Variants in NEGR1 observed in about 807,000 individuals in gnomAD.
NEGR1 encodes neuronal growth regulator 1.
In NEGR1, 10 loss-of-function variants were observed where a neutral mutation model predicts 40.9. The observed-to-expected ratio is 0.24, with a 90% CI of 0.15 to 0.42. The LOEUF (loss-of-function observed/expected upper bound fraction) is 0.42. NEGR1 is among the 10% of genes least tolerant of loss of function. The probability of loss-of-function intolerance (pLI) is 1.00; values close to 1 mark genes in which losing one functional copy is unlikely to be tolerated. For synonymous variants in NEGR1, 185 were observed against 166.8 expected (o/e 1.11, Z -0.84); for missense variants, 352 against 438.9 (o/e 0.80, Z 1.77).
At chr1:71,632,760 C>T (rs932035317) in intron 4 of NEGR1, among the ~76,000 whole-genome samples, 1 of 151,870 alleles carries the variant, frequency 6.6e-6, no homozygotes, top group African/African-American at 2.4e-5. Flanking sequence ...GCAGCTAGAA[C>T]TATGCCTTGA....
rs551772465 is a variant in NEGR1 at position 71,538,731 on chromosome 1, T to G, written c.940+54086A>C. ...AGAGGCTTCGTGCATGGAGTACAAT[T>G]TAGAAATCACACTTTTGCCCTAAGC... is the stretch of plus-strand genomic sequence containing the variant. On this transcript the variant is annotated intron_variant, in intron 6 of 6. Transcript: ENST00000357731. Among the ~76,000 whole-genome samples, 14 of 151,768 alleles carry G rather than the reference T, an allele frequency of 9.2e-5. No individual in the cohort carries two copies. In the East Asian group the frequency reaches 2.8e-3, roughly 30 times the overall value.
At chr1:71,567,328 A>C (rs1263178799) in intron 6 of NEGR1, among the ~76,000 whole-genome samples, 1 of 152,138 alleles carries the variant, frequency 6.6e-6, no homozygotes. Context: ...TCTGCTATGA[A>C]TGTGGTAGCT....
At chr1:72,140,954 A>G (rs1650654751) in intron 1 of NEGR1, among the ~76,000 whole-genome samples, 1 of 152,066 alleles carries the variant, frequency 6.6e-6, no homozygotes, top group Non-Finnish European at 1.5e-5. Context: ...GCATTACCTA[A>G]TATGTGTTAG....
At chr1:72,012,925 C>T (rs915438449) in intron 1 of NEGR1, among the ~76,000 whole-genome samples, 27 of 146,816 alleles carry the variant, frequency 1.8e-4, no homozygotes, top group African/African-American at 6.5e-4. Flanking sequence ...CTAGAAAAAA[C>T]TTTCCCTTTA....
At chr1:72,194,411 T>C (rs955197582) in intron 1 of NEGR1, among the ~76,000 whole-genome samples, 2 of 151,950 alleles carry the variant, frequency 1.3e-5, no homozygotes, top group Non-Finnish European at 2.9e-5. Flanking sequence ...GTAAGAACAT[T>C]TTTATCAGGA....
chr1:71,992,218 T>A lies in NEGR1; in HGVS notation c.177-56907A>T, dbSNP rs536326565. Among the ~76,000 whole-genome samples, 4 of 152,308 alleles carry A rather than the reference T, an allele frequency of 2.6e-5. No individual in the cohort carries two copies. The South Asian group carries it at 8.3e-4, about 32-fold the overall frequency. ...TTAAAAATTGTGTATTTCATATACA[T>A]CATATTCATTTTTAGCATATAAATT... On this transcript the variant is annotated intron_variant, in intron 1 of 6. Coordinates refer to ENST00000357731, the MANE Select transcript of NEGR1 (RefSeq NM_173808.3).
intron 6 of NEGR1, among the ~76,000 whole-genome samples, chr1:71,438,264 AC>A (rs1449522085): frequency 6.6e-6 from 1 of 152,226 alleles, no homozygotes; most frequent in Non-Finnish European, 1.5e-5. Context: ...TAAATTTGGC[AC>A]CAATAATTAA....
At chr1:71,775,497 C>G (rs1330564486) in intron 3 of NEGR1, among the ~76,000 whole-genome samples, 1 of 151,766 alleles carries the variant, frequency 6.6e-6, no homozygotes, top group Non-Finnish European at 1.5e-5. Context: ...AGGCATGCAC[C>G]ACCACACCCT....
chr1:71,838,063 A>G lies in NEGR1; in HGVS notation c.410-61766T>C, dbSNP rs563719946. Among the ~76,000 whole-genome samples, 25 of 152,280 alleles carry G rather than the reference A, an allele frequency of 1.6e-4. No homozygotes were observed. The East Asian group carries it at 4.8e-3, about 29-fold the overall frequency. On this transcript the variant is annotated intron_variant, in intron 2 of 6. Coordinates refer to ENST00000357731, the MANE Select transcript of NEGR1 (RefSeq NM_173808.3). ...CATTGTTTGAGGTACATTGAAAAAA[A>G]TAAGATCTTATTATCCCAGTTTCTA...
At chr1:72,171,673 ATAAGT>A (rs1443975231) in intron 1 of NEGR1, among the ~76,000 whole-genome samples, 4 of 152,208 alleles carry the variant, frequency 2.6e-5, no homozygotes, top group African/African-American at 7.2e-5. Context: ...TATGTGAAAA[ATAAGT>A]TATGTATAAA....
intron 1 of NEGR1, among the ~76,000 whole-genome samples, chr1:71,988,683 G>C (rs944953484): frequency 1.3e-5 from 2 of 151,518 alleles, no homozygotes; most frequent in Non-Finnish European, 1.5e-5. Flanking sequence ...AGGGGCACAA[G>C]GTACTCAGTT....
At chr1:71,494,348 C>A (rs868368152) in intron 6 of NEGR1, among the ~76,000 whole-genome samples, 1 of 152,146 alleles carries the variant, frequency 6.6e-6, no homozygotes, top group Admixed American at 6.6e-5. Flanking sequence ...ACACTGAAGG[C>A]TTGAGTCAGC....
At chr1:71,794,598 T>A (rs2101739956) in intron 2 of NEGR1, 1 of 152,230 alleles carries the variant, frequency 6.6e-6, no homozygotes, top group Non-Finnish European at 1.5e-5. Context: ...ATAAATAAGT[T>A]ATGCATAGAT....
intron 2 of NEGR1, among the ~76,000 whole-genome samples, chr1:71,811,533 T>C (rs754090830): frequency 6.6e-5 from 10 of 151,778 alleles, no homozygotes; most frequent in Non-Finnish European, 4.4e-5. Context: ...TACTTATAAT[T>C]TGAAATTACA....
At chr1:71,885,604 AAGG>A (rs1415937376) in intron 2 of NEGR1, among the ~76,000 whole-genome samples, 1 of 152,228 alleles carries the variant, frequency 6.6e-6, no homozygotes, top group African/African-American at 2.4e-5. Flanking sequence ...TAAAAGCTGA[AAGG>A]AGGCAATATA....
intron 2 of NEGR1, among the ~76,000 whole-genome samples, chr1:71,905,910 T>C (rs1570485690): frequency 6.6e-6 from 1 of 150,964 alleles, no homozygotes; most frequent in East Asian, 1.9e-4. Flanking sequence ...AGTGCTTTAG[T>C]TTCCTATGTA....
At chr1:72,034,530 G>C (rs1279023897) in intron 1 of NEGR1, among the ~76,000 whole-genome samples, 1 of 152,074 alleles carries the variant, frequency 6.6e-6, no homozygotes, top group Non-Finnish European at 1.5e-5. Context: ...CTTATTTTGT[G>C]ATAATATAGT....
In NEGR1 at chr1:71,496,312, A is replaced by C. The variant is rs1646962709; in HGVS notation, c.941-88742T>G. On this transcript the variant is annotated intron_variant, in intron 6 of 6. Transcript: ENST00000357731. ...GAATTAAAAGGGCAGAAATGGGCTC[A>C]CACTGGCTTCCAGAACTAGAAGGAA... Among the ~76,000 whole-genome samples, 4 of 152,270 alleles carry C rather than the reference A, an allele frequency of 2.6e-5. No homozygotes were observed. The South Asian group carries it at 8.3e-4, about 32-fold the overall frequency.
chr1:71,973,284 C>T (rs889259702), intron 1 of NEGR1, among the ~76,000 whole-genome samples: 1 of 150,144 alleles, frequency 6.7e-6, no homozygotes, highest in Non-Finnish European at 1.5e-5. Context: ...CCACTGCACT[C>T]CAGCCTGGGC....
Sources: allele counts gnomAD v4.1 joint callset (sites outside exome capture counted in the v4.1 genomes callset), GRCh38; gene constraint gnomAD v4.1.1; transcripts MANE v1.5; gene names NCBI Gene and HGNC (gene_info 2026-07-23, HGNC 2026-07-21).